DOCK10: variants seen among roughly 807,000 people sequenced by gnomAD.
DOCK10 encodes dedicator of cytokinesis protein 10.
Under a neutral mutation model 280.1 loss-of-function variants are expected in DOCK10, and 145 were observed. The observed-to-expected ratio is 0.52, with a 90% CI of 0.45 to 0.59. The LOEUF (loss-of-function observed/expected upper bound fraction) is 0.59. DOCK10 is among the 20% of genes least tolerant of loss of function. DOCK10 has a pLI of 0.00. For synonymous variants in DOCK10, 915 were observed against 942.2 expected, an observed-to-expected ratio of 0.97 and a Z score of 0.53; for missense variants, 2,368 against 2,651.7, an observed-to-expected ratio of 0.89 and a Z score of 2.35.
intron 19 of DOCK10, among the ~76,000 whole-genome samples, chr2:224,847,501 G>A (rs951540428): frequency 4.6e-5 from 7 of 152,138 alleles, no homozygotes; most frequent in Non-Finnish European, 1.0e-4. Flanking sequence ...GCTTTCATGA[G>A]GCTTCCAGGA....
intron 1 of DOCK10, among the ~76,000 whole-genome samples, chr2:224,960,527 T>C (rs1474975594): frequency 6.6e-6 from 1 of 152,136 alleles, no homozygotes; most frequent in East Asian, 1.9e-4. Context: ...AAAATTTCAT[T>C]ATCATTTCTT....
At chr2:224,832,129 C>T (rs1205814666) in intron 26 of DOCK10, among the ~76,000 whole-genome samples, 2 of 152,196 alleles carry the variant, frequency 1.3e-5, no homozygotes, top group East Asian at 3.9e-4. Flanking sequence ...CTTCCTACTC[C>T]TTCCACCACA....
intron 1 of DOCK10, among the ~76,000 whole-genome samples, chr2:225,014,078 T>TAC (rs1559959623): frequency 1.1e-5 from 1 of 91,946 alleles, no homozygotes; most frequent in Non-Finnish European, 2.4e-5. Flanking sequence ...GAAGTCTGAA[T>TAC]ATATTGTTTT....
At chr2:224,942,942 T>C (rs780111611) in intron 1 of DOCK10, among the ~76,000 whole-genome samples, 16 of 152,210 alleles carry the variant, frequency 1.1e-4, no homozygotes, top group Non-Finnish European at 2.4e-4. Context: ...ATGATTGATA[T>C]AGTAATTCAA....
Position 224,789,045 on chromosome 2 carries a change from G to A in DOCK10, c.5418+19C>T, listed in dbSNP as rs1691957084. ...ATCTCTTTCCTTCGTTACTGTACAT[G>A]AGATAATTTTGGTCTAACCTCATTG... On this transcript the variant is annotated intron_variant, in intron 48 of 55. Coordinates refer to ENST00000258390, the MANE Select transcript of DOCK10 (RefSeq NM_014689.3). 6.6e-7 allele frequency: 1 copy of A among 1,506,676 alleles called. No homozygotes were observed. 93.3% of individuals were successfully genotyped at this position (1,506,676 alleles called of 1,614,324 possible).
chr2:224,883,193 A>G (rs534142620), intron 7 of DOCK10, among the ~76,000 whole-genome samples: 1 of 152,312 alleles, frequency 6.6e-6, no homozygotes, highest in South Asian at 2.1e-4. Flanking sequence ...AGAGCATTCC[A>G]TGGTCTCTGC....
At chr2:224,946,818 A>G (rs942667845) in intron 1 of DOCK10, 2 of 1,484,330 alleles carry the variant, frequency 1.3e-6, no homozygotes, top group Non-Finnish European at 1.8e-6. Context: ...GAAAGATGGA[A>G]AGCAAAACAT....
At chr2:224,890,644 A>AT (rs1471239575) in intron 4 of DOCK10, among the ~76,000 whole-genome samples, 2 of 152,230 alleles carry the variant, frequency 1.3e-5, no homozygotes, top group African/African-American at 4.8e-5. Context: ...AACAACGTGG[A>AT]TATCACTCAG....
In DOCK10 at chr2:224,984,952, G is replaced by A. The variant is rs189599510; in HGVS notation, c.124-53284C>T. Among the ~76,000 whole-genome samples, 413 of 150,776 alleles carry A rather than the reference G, an allele frequency of 2.7e-3. 2 individuals are homozygous for A. Among genetic ancestry groups the A allele is most frequent in the African/African-American group, 9.5e-3 (389 of 40,966 alleles). On this transcript the variant is annotated intron_variant, in intron 1 of 55. Coordinates refer to ENST00000258390, the MANE Select transcript of DOCK10 (RefSeq NM_014689.3). ...GGCCTCCCAGGTTCAAGTGATTCTCGTGCCTCAGCCTCCTGAGTGGCTAGG... is the reference window on the plus strand; with the variant it reads ...GGCCTCCCAGGTTCAAGTGATTCTCATGCCTCAGCCTCCTGAGTGGCTAGG...
At chr2:224,910,247 C>T (rs1216512103) in intron 3 of DOCK10, among the ~76,000 whole-genome samples, 3 of 152,162 alleles carry the variant, frequency 2.0e-5, no homozygotes, top group African/African-American at 7.2e-5. Context: ...TCAGTGCTAG[C>T]ATAATCTAGT....
chr2:224,964,273 T>C (rs1224035629), intron 1 of DOCK10, among the ~76,000 whole-genome samples: 1 of 152,206 alleles, frequency 6.6e-6, no homozygotes, highest in Non-Finnish European at 1.5e-5. Context: ...GGTTAAACTT[T>C]AATGTGTTGT....
chr2:225,038,107 A>G (rs892139706), intron 1 of DOCK10, among the ~76,000 whole-genome samples: 5 of 152,210 alleles, frequency 3.3e-5, no homozygotes, highest in Non-Finnish European at 7.3e-5. Flanking sequence ...CAAAAAACAC[A>G]AACAAAATAA....
intron 1 of DOCK10, among the ~76,000 whole-genome samples, chr2:225,030,532 A>G (rs915362847): frequency 1.3e-5 from 2 of 152,150 alleles, no homozygotes; most frequent in African/African-American, 4.8e-5. Context: ...CATCAGTGAG[A>G]ATGGCACTAA....
At chr2:224,775,141 T>A in intron 51 of DOCK10, 26 bp from the exon 52 acceptor site, 1 of 1,604,864 alleles carries the variant, frequency 6.2e-7, no homozygotes, top group Non-Finnish European at 8.5e-7. Flanking sequence ...ATGGGCAAAG[T>A]GAGTGGTGTG....
At chr2:224,827,693 A>G (rs1694957599) in intron 27 of DOCK10, among the ~76,000 whole-genome samples, 1 of 152,188 alleles carries the variant, frequency 6.6e-6, no homozygotes, top group Non-Finnish European at 1.5e-5. Context: ...ACAGAGAGAT[A>G]CGAACCATTT....
At chr2:224,848,978 A>C (rs1696544481) in intron 19 of DOCK10, among the ~76,000 whole-genome samples, 1 of 152,118 alleles carries the variant, frequency 6.6e-6, no homozygotes, top group Non-Finnish European at 1.5e-5. Context: ...TTTAAATTTT[A>C]ATTTTTTTAG....
intron 22 of DOCK10, among the ~76,000 whole-genome samples, chr2:224,842,350 A>G (rs1696021144): frequency 6.6e-6 from 1 of 152,258 alleles, no homozygotes; most frequent in Non-Finnish European, 1.5e-5. Flanking sequence ...CCCAGATTAG[A>G]AAGTCCACAA....
Position 225,042,205 on chromosome 2 carries a change from G to T in DOCK10, c.123+47C>A, listed in dbSNP as rs537747431. ...GGGGAAGCTGGGCTCCGTTCCCCCCGGGCGCCTGGGGCGCGCGGGAAGGCG... is the reference window on the plus strand; with the variant it reads ...GGGGAAGCTGGGCTCCGTTCCCCCCTGGCGCCTGGGGCGCGCGGGAAGGCG... On this transcript the variant is annotated intron_variant, in intron 1 of 55. Transcript: ENST00000258390. This position sits in a 1 kb window ranked among gnomAD's most constrained non-coding sequence, Gnocchi z 5.1. The T allele has an allele frequency of 1.9e-4, 236 of 1,230,684 alleles. No homozygotes were observed. In the African/African-American group the frequency reaches 3.4e-3, roughly 17 times the overall value. 76.2% of individuals were successfully genotyped at this position (1,230,684 alleles called of 1,614,324 possible).
rs1054471152 is a variant in DOCK10 at position 224,786,534 on chromosome 2, A to G, written c.5655+488T>C. On this transcript the variant is annotated intron_variant, in intron 50 of 55. Coordinates refer to ENST00000258390, the MANE Select transcript of DOCK10 (RefSeq NM_014689.3). This position sits in a 1 kb window ranked among gnomAD's most constrained non-coding sequence, Gnocchi z 4.7. The stretch of plus-strand genomic sequence containing the variant: ...TTGCAATATAGGAAACAAAATAACC[A>G]TCTGGTATTTTGTCTAGAAACAGTG... Among the ~76,000 whole-genome samples the G allele has an allele frequency of 2.6e-5, 4 of 152,230 alleles. No individual in the cohort carries two copies. The highest frequency in any genetic ancestry group is 6.5e-5 in the Admixed American group (1 of 15,284).
Sources: gnomAD v4.1 joint callset for allele counts (sites outside exome capture counted in the v4.1 genomes callset) on GRCh38, gnomAD v4.1.1 for gene constraint, Gnocchi (gnomAD v3.1) non-coding constraint, MANE v1.5 for transcripts, NCBI Gene and HGNC (gene_info 2026-07-23, HGNC 2026-07-21) for gene names.